XIAP: variants seen among roughly 807,000 people sequenced by gnomAD.
The protein encoded by XIAP is E3 ubiquitin-protein ligase XIAP.
In XIAP, 3 loss-of-function variants were observed where a neutral mutation model predicts 33.1. That is an observed-to-expected ratio of 0.09 (90% CI 0.04 to 0.23). XIAP has a LOEUF of 0.23. Ranked by LOEUF, XIAP falls within the 10% of genes least tolerant of loss-of-function variation. XIAP has a pLI of 1.00. For synonymous variants in XIAP, 98 were observed against 121.3 expected, an observed-to-expected ratio of 0.81 and a Z score of 1.26; for missense variants, 264 against 363.0, an observed-to-expected ratio of 0.73 and a Z score of 2.22.
intron 2 of XIAP, among the ~76,000 whole-genome samples, chrX:123,887,134 G>C: frequency 8.9e-6 from 1 of 112,150 alleles, no homozygotes; most frequent in Non-Finnish European, 1.9e-5. Flanking sequence ...GGTCAGGCTG[G>C]TCTCAAACTC....
At chrX:123,866,548 AATAATGT>A (rs1245565095) in intron 1 of XIAP, among the ~76,000 whole-genome samples, 1 of 43,882 alleles carries the variant, frequency 2.3e-5, no homozygotes, top group Non-Finnish European at 4.4e-5. Context: ...ATATGTATAT[AATAATGT>A]ATGATATATA....
Position 123,910,725 on chromosome X carries a change from G to A in XIAP, c.*3544G>A, listed in dbSNP as rs747125911. On this transcript the variant is annotated 3_prime_UTR_variant, in exon 7 of 7. Transcript: ENST00000371199. ...TCTACTAAAAAACAGAAAATTAGCC[G>A]GGCGTGGTGGCGGGCGCCTGTAGTC... 97 of 281,249 alleles carry A rather than the reference G, an allele frequency of 3.4e-4. No individual in the cohort carries two copies. The highest frequency in any genetic ancestry group is 2.5e-3 in the Middle Eastern group (2 of 795). 23.2% of individuals were successfully genotyped at this position (281,249 alleles called of 1,213,427 possible).
chrX:123,905,499 GCA>G (rs1015749318), intron 6 of XIAP, among the ~76,000 whole-genome samples: 15 of 111,329 alleles, frequency 1.3e-4, no homozygotes, highest in African/African-American at 4.2e-4. Flanking sequence ...ATGCATGCAT[GCA>G]CACACACGCA....
chrX:123,904,111 CT>C (rs1205887442), intron 6 of XIAP, among the ~76,000 whole-genome samples: 1 of 110,935 alleles, frequency 9.0e-6, no homozygotes, highest in Non-Finnish European at 1.9e-5. Context: ...TTGTTTCTTC[CT>C]TTTTGTGGAG....
chrX:123,889,216 G>C (rs929564972), intron 3 of XIAP, among the ~76,000 whole-genome samples: 4 of 109,787 alleles, frequency 3.6e-5, no homozygotes, highest in Non-Finnish European at 3.8e-5. Context: ...TCAGCCTCCC[G>C]AGTAGCTGGG....
intron 1 of XIAP, among the ~76,000 whole-genome samples, chrX:123,864,840 CGT>C (rs113811825): frequency 0.044 from 3,171 of 71,768 alleles, 461 homozygotes; most frequent in African/African-American, 0.13. Context: ...AGGGTTTCAC[CGT>C]GTGTGTGTGT....
rs954289858 is a variant in XIAP, at chrX:123,885,891, G to A, written c.229G>A (p.Asp77Asn). The A allele has an allele frequency of 8.3e-7, 1 of 1,210,258 alleles. No individual in the cohort carries two copies. Among genetic ancestry groups the A allele is most frequent in the Non-Finnish European group, 1.1e-6 (1 of 895,382 alleles). ...AGCTGTAGATAGATGGCAATATGGAGACTCAGCAGTTGGAAGACACAGGAA... is the reference window on the plus strand; with the variant it reads ...AGCTGTAGATAGATGGCAATATGGAAACTCAGCAGTTGGAAGACACAGGAA... ...HAAVDRWQYG[D>N]SAVGRHRKVS... The change falls in exon 2 of 7, where the codon GAC becomes AAC. Residue 77 changes from aspartate to asparagine, a missense_variant. Transcript: ENST00000371199.
intron 6 of XIAP, among the ~76,000 whole-genome samples, chrX:123,905,338 T>C (rs984101435): frequency 1.8e-5 from 2 of 111,838 alleles, no homozygotes; most frequent in Non-Finnish European, 3.8e-5. Flanking sequence ...GTTCTGTCTC[T>C]CTCCTTGGAG....
intron 1 of XIAP, among the ~76,000 whole-genome samples, chrX:123,866,971 T>C (rs768948390): frequency 9.3e-6 from 1 of 107,686 alleles, no homozygotes; most frequent in South Asian, 4.0e-4. Context: ...GCCAGAGATA[T>C]GTGTTTATTA....
At chrX:123,900,769 A>T (rs2053508436) in intron 6 of XIAP, 76 bp downstream of exon 6, 1 of 922,597 alleles carries the variant, frequency 1.1e-6, no homozygotes, top group Non-Finnish European at 1.6e-6. Context: ...GCACTTTGGG[A>T]GGCTGGGACA....
chrX:123,871,920 G>T (rs1395928388), intron 1 of XIAP, among the ~76,000 whole-genome samples: 6 of 109,847 alleles, frequency 5.5e-5, no homozygotes, highest in African/African-American at 2.0e-4. Flanking sequence ...GGCCAACATG[G>T]TGAAACCCCA....
intron 1 of XIAP, among the ~76,000 whole-genome samples, chrX:123,882,343 AG>A (rs1330606327): frequency 9.0e-6 from 1 of 111,544 alleles, no homozygotes; most frequent in Non-Finnish European, 1.9e-5. Context: ...TCTGCCCTCA[AG>A]CTATATAAAA....
At chrX:123,879,441 C>G (rs1321605210) in intron 1 of XIAP, 2 of 106,914 alleles carry the variant, frequency 1.9e-5, no homozygotes, top group South Asian at 4.4e-4. Flanking sequence ...CTCAGCCTCC[C>G]GAGTAGCTGG....
At chrX:123,861,851 C>A (rs187830133) in intron 1 of XIAP, among the ~76,000 whole-genome samples, 1 of 111,477 alleles carries the variant, frequency 9.0e-6, no homozygotes, top group South Asian at 3.7e-4. Context: ...ACTCATGTTT[C>A]GTTTTCTTGT....
Position 123,913,055 on chromosome X carries a change from A to G in XIAP, c.*5874A>G, listed in dbSNP as rs1179829771. 3.1e-6 allele frequency: 1 copy of G among 320,910 alleles called. No homozygotes were observed. Among genetic ancestry groups the G allele is most frequent in the Non-Finnish European group, 6.0e-6 (1 of 165,771 alleles). The allele number at this position is 320,910 out of a possible 1,213,427, so 26.4% of individuals were successfully genotyped here. ...CTCGGCCTCACAAAGTGCTGGGATT[A>G]CAGGTGTGAACCACTGCTCCCGGCC... is the stretch of plus-strand genomic sequence containing the variant. On this transcript the variant is annotated 3_prime_UTR_variant, in exon 7 of 7. Transcript: ENST00000371199.
At chrX:123,872,106 A>G (rs1035972911) in intron 1 of XIAP, among the ~76,000 whole-genome samples, 5 of 110,870 alleles carry the variant, frequency 4.5e-5, no homozygotes, top group Admixed American at 3.9e-4. Flanking sequence ...TCTCATAGTA[A>G]TAATAATAAT....
chrX:123,896,927 A>ATT (rs55979065), intron 5 of XIAP, among the ~76,000 whole-genome samples: 22 of 75,271 alleles, frequency 2.9e-4, no homozygotes, highest in Non-Finnish European at 3.8e-4. Context: ...AACGTCTTTA[A>ATT]TTTTTTTTTT....
intron 1 of XIAP, chrX:123,878,901 G>C (rs186935893): frequency 8.8e-6 from 1 of 113,479 alleles, no homozygotes; most frequent in East Asian, 2.7e-4. Context: ...TCAGCAGATT[G>C]GCTGGAGCTA....
chrX:123,904,017 C>T (rs1318984555), intron 6 of XIAP, among the ~76,000 whole-genome samples: 1 of 111,663 alleles, frequency 9.0e-6, no homozygotes, highest in African/African-American at 3.3e-5. Flanking sequence ...CTCTTCCCAA[C>T]CCCTGGCAAC....
Sources: allele counts gnomAD v4.1 joint callset (sites outside exome capture counted in the v4.1 genomes callset), GRCh38; gene constraint gnomAD v4.1.1; transcripts MANE v1.5; gene names NCBI Gene and HGNC (gene_info 2026-07-23, HGNC 2026-07-21).